The following RNF125 variants were observed in gnomAD, a reference collection of about 807,000 sequenced individuals.
RNF125 encodes ring finger protein 125.
RNF125 carries 21 observed loss-of-function variants against 26.0 expected under a neutral mutation model. That is an observed-to-expected ratio of 0.81 (90% CI 0.57 to 1.16). The LOEUF is 1.16. RNF125 is among the 50% of genes most tolerant of loss of function. RNF125 has a pLI of 0.00. For missense variants in RNF125, 270 were observed against 299.4 expected (o/e 0.90, Z 0.72); for synonymous variants, 95 against 109.2 (o/e 0.87, Z 0.81).
At chr18:32,025,139 A>G (rs1283693365) in intron 1 of RNF125, among the ~76,000 whole-genome samples, 2 of 152,216 alleles carry the variant, frequency 1.3e-5, no homozygotes, top group Non-Finnish European at 2.9e-5. Flanking sequence ...TTCGAAAAAC[A>G]TTTGGGATAG....
intron 4 of RNF125, among the ~76,000 whole-genome samples, chr18:32,065,139 TATAAC>T (rs1308683232): frequency 6.6e-6 from 1 of 152,244 alleles, no homozygotes; most frequent in East Asian, 1.9e-4. Context: ...TATGCAATTT[TATAAC>T]ATAATACTGA....
chr18:32,025,764 A>G lies in RNF125; in HGVS notation c.164+6737A>G, dbSNP rs1480667330. Among the ~76,000 whole-genome samples, 4 of 151,544 alleles carry G rather than the reference A, an allele frequency of 2.6e-5. No individual in the cohort carries two copies. In the East Asian group the frequency reaches 7.8e-4, roughly 29 times the overall value. On this transcript the variant is annotated intron_variant, in intron 1 of 5. Transcript: ENST00000217740. ...TATGCGTGTGTGTGTGTGTTCCTCA[A>G]GGGGTCTCAGGGTTCACAGAAGTCC...
At chr18:32,041,998 GA>G (rs1568199230) in intron 2 of RNF125, 180 bp from the exon 3 acceptor site, 12 of 575,980 alleles carry the variant, frequency 2.1e-5, no homozygotes, top group Non-Finnish European at 3.7e-5. Context: ...CGGAGAATTT[GA>G]AAAATAGTAG....
At chr18:32,026,226 C>T (rs1392397688) in intron 1 of RNF125, among the ~76,000 whole-genome samples, 1 of 149,064 alleles carries the variant, frequency 6.7e-6, no homozygotes, top group African/African-American at 2.5e-5. Flanking sequence ...AACATTTTGT[C>T]CTCTGAGCAC....
chr18:32,088,177 C>A, the RNF125 span, among the ~76,000 whole-genome samples: 1 of 152,202 alleles, frequency 6.6e-6, no homozygotes, highest in Non-Finnish European at 1.5e-5. Context: ...GGACAGACTA[C>A]TCACCAGTCA....
intron 1 of RNF125, among the ~76,000 whole-genome samples, chr18:32,020,545 C>T (rs12967475): frequency 0.11 from 16,697 of 151,348 alleles, 965 homozygotes; most frequent in African/African-American, 0.14. Context: ...TGCAAGTGCA[C>T]AACATGTTTT....
chr18:32,056,105 G>A (rs336273), intron 4 of RNF125, among the ~76,000 whole-genome samples: 108,052 of 151,536 alleles, frequency 0.71, 38,803 homozygotes, highest in African/African-American at 0.79. Context: ...TGTTTTTAAC[G>A]TCATATAGGA....
intron 4 of RNF125, among the ~76,000 whole-genome samples, chr18:32,053,448 C>T (rs964018948): frequency 6.6e-6 from 1 of 151,928 alleles, no homozygotes; most frequent in Admixed American, 6.6e-5. Context: ...TTAGGGATTC[C>T]CTATAACAAT....
intron 4 of RNF125, 135 bp from the exon 5 acceptor site, chr18:32,065,767 G>A (rs2039478891): frequency 1.6e-6 from 1 of 620,406 alleles, no homozygotes; most frequent in Non-Finnish European, 2.9e-6. Context: ...TCTTGACCTG[G>A]TGATCCGGCC....
intron 1 of RNF125, among the ~76,000 whole-genome samples, chr18:32,025,664 CAA>C (rs34054474): frequency 0.026 from 1,697 of 65,026 alleles, 17 homozygotes; most frequent in African/African-American, 0.059. Flanking sequence ...AACTCTGTCT[CAA>C]AAAAAAAAAA....
At chr18:32,063,187 T>G (rs1047777382) in intron 4 of RNF125, among the ~76,000 whole-genome samples, 1 of 132,890 alleles carries the variant, frequency 7.5e-6, no homozygotes, top group African/African-American at 3.0e-5. Context: ...GCCATTGCAC[T>G]CCAGCCTGGG....
At chr18:32,046,003 T>A (rs2039266634) in intron 4 of RNF125, among the ~76,000 whole-genome samples, 1 of 151,768 alleles carries the variant, frequency 6.6e-6, no homozygotes, top group Admixed American at 6.6e-5. Flanking sequence ...AAATGCACAG[T>A]TAAGATCTAA....
chr18:32,033,114 T>A (rs2039115274), intron 1 of RNF125, among the ~76,000 whole-genome samples: 1 of 152,192 alleles, frequency 6.6e-6, no homozygotes, highest in Non-Finnish European at 1.5e-5. Context: ...CCTGACATGC[T>A]GGTAACCAAT....
At chr18:32,065,725 G>A (rs1297403614) in intron 4 of RNF125, among the ~76,000 whole-genome samples, 177 bp from the exon 5 acceptor site, 12 of 152,068 alleles carry the variant, frequency 7.9e-5, no homozygotes, top group African/African-American at 2.4e-4. Flanking sequence ...TAGAGACGGC[G>A]TTTCACCATG....
At chr18:32,079,819 C>T in the RNF125 span, among the ~76,000 whole-genome samples, 15 of 152,090 alleles carry the variant, frequency 9.9e-5, no homozygotes, top group Middle Eastern at 3.2e-3. Flanking sequence ...ATAGGAGAAG[C>T]GGTATTATTT....
chr18:32,085,700 CAAAAAAA>C, the RNF125 span, among the ~76,000 whole-genome samples: 4 of 62,760 alleles, frequency 6.4e-5, no homozygotes, highest in Non-Finnish European at 1.1e-4. Context: ...AACGACTTAT[CAAAAAAA>C]AAAAAAAAAA....
chr18:32,069,685 C>T lies in RNF125; in HGVS notation c.*1301C>T, dbSNP rs180686400. The T allele has an allele frequency of 1.2e-4, 19 of 152,306 alleles. No individual in the cohort carries two copies. Among genetic ancestry groups the T allele is most frequent in the African/African-American group, 2.6e-4 (11 of 41,572 alleles). 9.4% of individuals were successfully genotyped at this position (152,306 alleles called of 1,614,324 possible). On this transcript the variant is annotated 3_prime_UTR_variant, in exon 6 of 6. Transcript: ENST00000217740. The stretch of plus-strand genomic sequence containing the variant: ...TTGTTGCATTTGATTACTGCTGCCA[C>T]ACCTAAATGCATATATCTATATTTT...
intron 3 of RNF125, among the ~76,000 whole-genome samples, chr18:32,045,129 A>T (rs186733046): frequency 5.2e-3 from 783 of 151,060 alleles, no homozygotes; most frequent in Non-Finnish European, 8.7e-3. Flanking sequence ...AAAAAAAAAA[A>T]ATAGAAAGAA....
At chr18:32,031,486 G>GAAAAAAAAAAAAAAAA (rs745809061) in intron 1 of RNF125, 1 of 20,956 alleles carries the variant, frequency 4.8e-5, no homozygotes, top group African/African-American at 1.1e-4. Flanking sequence ...CAAATTGTGG[G>GAAAAAAAAAAAAAAAA]AAAAAAAAAA....
Sources: allele counts gnomAD v4.1 joint callset (sites outside exome capture counted in the v4.1 genomes callset), GRCh38; gene constraint gnomAD v4.1.1; transcripts MANE v1.5; gene names NCBI Gene and HGNC (gene_info 2026-07-23, HGNC 2026-07-21).